Variants in PHACTR2 observed in about 807,000 individuals in gnomAD.
The protein encoded by PHACTR2 is phosphatase and actin regulator 2, also known as chromosome 6 open reading frame 56.
PHACTR2 carries 30 observed loss-of-function variants against 76.0 expected under a neutral mutation model. The ratio of observed to expected loss-of-function variants is 0.39; its 90% confidence interval spans 0.30 to 0.54. The LOEUF is 0.54. Ranked by LOEUF, PHACTR2 falls within the 20% of genes least tolerant of loss-of-function variation. The pLI is 0.61. For synonymous variants in PHACTR2, 292 were observed against 292.5 expected (o/e 1.00, Z 0.02); for missense variants, 696 against 781.1 (o/e 0.89, Z 1.30).
upstream of PHACTR2, among the ~76,000 whole-genome samples, chr6:143,606,312 G>T (rs548669132): frequency 8.5e-5 from 13 of 152,238 alleles, no homozygotes; most frequent in Admixed American, 3.9e-4. Flanking sequence ...GTAAAGATTA[G>T]ATTTTATATA....
At chr6:143,566,287 AT>A (rs958062335) in intron 1 of PHACTR2, among the ~76,000 whole-genome samples, 1 of 150,826 alleles carries the variant, frequency 6.6e-6, no homozygotes. Context: ...ATTATCATTT[AT>A]TTACTTATTT....
At position 143,619,787 on chromosome 6, in the gene PHACTR2, G is replaced by A. The variant is rs75323210; in HGVS notation, c.13+11465G>A. On this transcript the variant is annotated intron_variant, in intron 1 of 11. Coordinates refer to the PHACTR2 transcript ENST00000305766. This position sits in a 1 kb window ranked among gnomAD's most constrained non-coding sequence, Gnocchi z 4.5. ...CATTTTTAAAGCAGCTTGACTTGGG[G>A]CATTTTTAATAAGGGGATAAAAGGA... Among the ~76,000 whole-genome samples, 1,128 of 152,244 alleles carry A rather than the reference G, an allele frequency of 7.4e-3. 20 individuals carry two copies. The highest frequency in any genetic ancestry group is 0.024 in the African/African-American group (1,009 of 41,534).
At position 143,825,431 on chromosome 6, in the gene PHACTR2, T is replaced by TA. The variant is rs1776512751; in HGVS notation, c.*1743dup. The stretch of plus-strand genomic sequence containing the variant: ...TAGAATTAGGAAAAGTAACCAGCAT[T>TA]ACTGCACCTCTTGTTAGACTCTGTG... On this transcript the variant is annotated 3_prime_UTR_variant, in exon 13 of 13. Transcript: ENST00000440869. This position sits in a 1 kb window ranked among gnomAD's most constrained non-coding sequence, Gnocchi z 4.1. 6.6e-6 allele frequency: 1 copy of TA among 152,220 alleles called. No individual in the cohort carries two copies. Among genetic ancestry groups the TA allele is most frequent in the African/African-American group, 2.4e-5 (1 of 41,460 alleles). 9.4% of individuals were successfully genotyped at this position (152,220 alleles called of 1,614,324 possible). A position where few individuals can be genotyped will look rare whatever the true frequency, so the allele number is the denominator to read the frequency against.
At position 143,730,050 on chromosome 6, in the gene PHACTR2, A is replaced by G. The variant is rs956046251; in HGVS notation, c.214+17867A>G. ...GTGTCTATTCTTTCACCAATATCAC[A>G]CTATCTTGATTATTATAGCTTTATA... On this transcript the variant is annotated intron_variant, in intron 2 of 12. Coordinates refer to ENST00000440869, the MANE Select transcript of PHACTR2 (RefSeq NM_001100164.2). The surrounding 1 kb of genome is among the most constrained non-coding windows in gnomAD (Gnocchi z 4.8). Among the ~76,000 whole-genome samples the G allele has an allele frequency of 6.6e-6, 1 of 152,186 alleles. No individual in the cohort carries two copies.
intron 1 of PHACTR2, among the ~76,000 whole-genome samples, chr6:143,629,513 C>T (rs910870536): frequency 1.3e-5 from 2 of 152,132 alleles, no homozygotes; most frequent in African/African-American, 4.8e-5. Flanking sequence ...GGTACCTCTA[C>T]AAAATGTCCT....
At chr6:143,762,167 A>G (rs1052422722) in intron 5 of PHACTR2, among the ~76,000 whole-genome samples, 3 of 152,170 alleles carry the variant, frequency 2.0e-5, no homozygotes, top group African/African-American at 7.2e-5. Flanking sequence ...TTCTTCTTAA[A>G]GAACAGCCCC....
intron 1 of PHACTR2, among the ~76,000 whole-genome samples, chr6:143,613,121 C>G (rs1217481567): frequency 6.6e-6 from 1 of 152,210 alleles, no homozygotes; most frequent in Non-Finnish European, 1.5e-5. Flanking sequence ...GGACTACAGG[C>G]GCCTGCCCCC....
intron 2 of PHACTR2, among the ~76,000 whole-genome samples, chr6:143,748,168 C>T (rs539651681): frequency 1.4e-4 from 22 of 152,222 alleles, no homozygotes; most frequent in East Asian, 7.7e-4. Context: ...TGGGTTCAGG[C>T]GATTTTCCTG....
At chr6:143,573,858 G>T (rs1025388399) in intron 1 of PHACTR2, among the ~76,000 whole-genome samples, 1 of 152,158 alleles carries the variant, frequency 6.6e-6, no homozygotes, top group African/African-American at 2.4e-5. Flanking sequence ...AACTGGGTCT[G>T]GTTCTCCATA....
chr6:143,707,707 A>G (rs1284979835), intron 1 of PHACTR2, among the ~76,000 whole-genome samples: 12 of 152,184 alleles, frequency 7.9e-5, no homozygotes. Flanking sequence ...CAAACCTACA[A>G]TTTATTTCAT....
At position 143,709,561 on chromosome 6, in the gene PHACTR2, G is replaced by T. The variant is rs1778124336; in HGVS notation, c.47-2455G>T. Among the ~76,000 whole-genome samples, 1 of 152,196 alleles carries T rather than the reference G, an allele frequency of 6.6e-6. No homozygotes were observed. Among genetic ancestry groups the T allele is most frequent in the Admixed American group, 6.5e-5 (1 of 15,280 alleles). ...GAAACCTTTGGTTTTAACTGGCTTT[G>T]TCTGACACCTCTATAGCAGGGGAAG... is the stretch of plus-strand genomic sequence containing the variant. On this transcript the variant is annotated intron_variant, in intron 1 of 12. Transcript: ENST00000440869. The surrounding 1 kb of genome is among the most constrained non-coding windows in gnomAD (Gnocchi z 4.4).
rs1479371351 is a variant in PHACTR2 at position 143,554,263 on chromosome 6, GA to G, written c.217+17058del. ...TTACGTGGAAGTAGCTAAACTAATT[GA>G]AGACATTTAAAAATGTCTTTACCTC... On this transcript the variant is annotated intron_variant, in intron 1 of 11. Transcript: ENST00000367584. The surrounding 1 kb of genome is among the most constrained non-coding windows in gnomAD (Gnocchi z 5.9). 3.3e-5 allele frequency: 5 copies of G among 152,096 alleles called. No homozygotes were observed. The highest frequency in any genetic ancestry group is 1.2e-4 in the African/African-American group (5 of 41,402). The allele number at this position is 152,096 out of a possible 1,614,324, so 9.4% of individuals were successfully genotyped here.
chr6:143,790,760 A>G (rs368096287), intron 11 of PHACTR2, among the ~76,000 whole-genome samples: 46 of 146,832 alleles, frequency 3.1e-4, no homozygotes, highest in African/African-American at 4.3e-4. Flanking sequence ...TGCAAGCTCC[A>G]CCTCCTGTGT....
intron 1 of PHACTR2, among the ~76,000 whole-genome samples, chr6:143,660,965 AAAAT>A (rs1776937219): frequency 6.6e-6 from 1 of 152,232 alleles, no homozygotes; most frequent in African/African-American, 2.4e-5. Flanking sequence ...GATGGGAAGA[AAAAT>A]AACCCACAAA....
rs1562319289 is a variant in PHACTR2 at position 143,819,921 on chromosome 6, C to G, written c.1923-3753C>G. ...TTTAATTGGCTCACAGTTCTGCAGG[C>G]TGTACAGGAAGCATAGCAGCATCTG... is the stretch of plus-strand genomic sequence containing the variant. On this transcript the variant is annotated intron_variant, in intron 12 of 12. Transcript: ENST00000440869. The surrounding 1 kb of genome is among the most constrained non-coding windows in gnomAD (Gnocchi z 5.0). 1.3e-5 allele frequency among the ~76,000 whole-genome samples: 2 copies of G among 152,158 alleles called. No homozygotes were observed. The highest frequency in any genetic ancestry group is 2.9e-5 in the Non-Finnish European group (2 of 68,032).
In PHACTR2 at chr6:143,599,418, T is replaced by C. The variant is rs1045334934; in HGVS notation, c.217+62211T>C. Among the ~76,000 whole-genome samples the C allele has an allele frequency of 6.6e-6, 1 of 152,172 alleles. No individual in the cohort carries two copies. The highest frequency in any genetic ancestry group is 1.5e-5 in the Non-Finnish European group (1 of 68,026). On this transcript the variant is annotated intron_variant, in intron 1 of 11. Coordinates refer to the PHACTR2 transcript ENST00000367584. The surrounding 1 kb of genome is among the most constrained non-coding windows in gnomAD (Gnocchi z 4.6). ...TGTTTATTGATTCATCCATCACTTA[T>C]CTGGTCATGTATTTATTCTAGAAAC... is the stretch of plus-strand genomic sequence containing the variant.
At chr6:143,773,188 G>A (rs1775193936) in intron 7 of PHACTR2, among the ~76,000 whole-genome samples, 1 of 152,010 alleles carries the variant, frequency 6.6e-6, no homozygotes. Flanking sequence ...ACTCCAGCCT[G>A]GGAGACAGAG....
Position 143,539,608 on chromosome 6 carries a change from A to G in PHACTR2, c.217+2401A>G, listed in dbSNP as rs912180052. Among the ~76,000 whole-genome samples the G allele has an allele frequency of 3.9e-5, 6 of 152,164 alleles. No individual in the cohort carries two copies. Among genetic ancestry groups the G allele is most frequent in the Non-Finnish European group, 5.9e-5 (4 of 68,026 alleles). Reference sequence around the variant, plus strand: ...TAAAAACATTCCTTGGCCTAACACTATAGTAGCCCAATTTCCAGCCCTTCT... The same window carrying G: ...TAAAAACATTCCTTGGCCTAACACTGTAGTAGCCCAATTTCCAGCCCTTCT... On this transcript the variant is annotated intron_variant, in intron 1 of 11. Coordinates refer to the PHACTR2 transcript ENST00000367584. This position sits in a 1 kb window ranked among gnomAD's most constrained non-coding sequence, Gnocchi z 4.3.
rs1775128964 is a variant in PHACTR2 at position 143,553,857 on chromosome 6, G to T, written c.217+16650G>T. 6.6e-6 allele frequency among the ~76,000 whole-genome samples: 1 copy of T among 152,216 alleles called. No individual in the cohort carries two copies. On this transcript the variant is annotated intron_variant, in intron 1 of 11. Transcript: ENST00000367584. This position sits in a 1 kb window ranked among gnomAD's most constrained non-coding sequence, Gnocchi z 4.2. The stretch of plus-strand genomic sequence containing the variant: ...GAAGGTGTGCAGATTGCAACCTTAA[G>T]TATGGCAACCAAGGCAGGCCCCACT...
Sources: gnomAD v4.1 joint callset for allele counts (sites outside exome capture counted in the v4.1 genomes callset) on GRCh38, gnomAD v4.1.1 for gene constraint, Gnocchi (gnomAD v3.1) non-coding constraint, MANE v1.5 for transcripts, NCBI Gene and HGNC (gene_info 2026-07-23, HGNC 2026-07-21) for gene names.